CD163L1: variants seen among roughly 807,000 people sequenced by gnomAD.
The protein encoded by CD163L1 is CD163 molecule like 1.
In CD163L1, 124 loss-of-function variants were observed where a neutral mutation model predicts 165.4. The ratio of observed to expected loss-of-function variants is 0.75; its 90% CI spans 0.65 to 0.87. The LOEUF is 0.87. Ranked by LOEUF, CD163L1 falls within the 40% of genes least tolerant of loss-of-function variation. The pLI is 0.00. For missense variants in CD163L1, 1,525 were observed against 1,799.9 expected (o/e 0.85, Z 2.76); for synonymous variants, 585 against 662.2 (o/e 0.88, Z 1.79).
the CD163L1 span, among the ~76,000 whole-genome samples, chr12:7,339,081 C>A: frequency 1.3e-5 from 2 of 152,100 alleles, no homozygotes; most frequent in Admixed American, 1.3e-4. Context: ...GAAGAGAGGG[C>A]AAGATACCTA....
At chr12:7,389,433 C>G (rs1292238015) in intron 8 of CD163L1, among the ~76,000 whole-genome samples, 1 of 152,102 alleles carries the variant, frequency 6.6e-6, no homozygotes, top group African/African-American at 2.4e-5. Context: ...ATCGCATGCT[C>G]TCACTTATTT....
chr12:7,417,382 C>T (rs193227317), intron 4 of CD163L1, among the ~76,000 whole-genome samples: 169 of 152,024 alleles, frequency 1.1e-3, no homozygotes, highest in African/African-American at 3.7e-3. Context: ...ACTTCCTCTC[C>T]TTCTATTTGA....
chr12:7,363,182 G>A (rs1473014073), intron 18 of CD163L1, among the ~76,000 whole-genome samples: 2 of 152,006 alleles, frequency 1.3e-5, no homozygotes, highest in Non-Finnish European at 2.9e-5. Flanking sequence ...GGTGTCATGT[G>A]CCTGTAATCC....
chr12:7,422,767 G>A (rs1349826684), intron 4 of CD163L1, among the ~76,000 whole-genome samples: 1 of 148,046 alleles, frequency 6.8e-6, no homozygotes, highest in East Asian at 2.0e-4. Flanking sequence ...GTGTGTGTGT[G>A]TGTGTGTATA....
At chr12:7,357,135 G>A (rs1306949697) in intron 19 of CD163L1, among the ~76,000 whole-genome samples, 2 of 152,088 alleles carry the variant, frequency 1.3e-5, no homozygotes, top group Admixed American at 1.3e-4. Flanking sequence ...CTTAGTGACA[G>A]ACTATCTGCA....
chr12:7,375,391 C>T lies in CD163L1; in HGVS notation c.2891G>A (p.Gly964Glu). The change falls in exon 11 of 20, where the codon GGA (glycine) becomes GAA (glutamate). Residue 964 changes from glycine to glutamate, a missense_variant. Physicochemically the swap from Gly to Glu is moderately conservative, Grantham distance 98. Coordinates refer to ENST00000313599, the MANE Select transcript of CD163L1 (RefSeq NM_174941.6). ...ATTCCCTAAGCAATGAAACCTGTGT[C>T]CCCACACACGAACACTTCTTTCTCC... Reference protein sequence around the residue: ...YIGERSVRVWGHRFHCLGNES... With the variant: ...YIGERSVRVWEHRFHCLGNES... 1 of 1,614,146 alleles carries T rather than the reference C, an allele frequency of 6.2e-7. No homozygotes were observed. Among genetic ancestry groups the T allele is most frequent in the Non-Finnish European group, 8.5e-7 (1 of 1,180,020 alleles).
intron 8 of CD163L1, among the ~76,000 whole-genome samples, chr12:7,393,332 T>C (rs1282329250): frequency 6.6e-6 from 1 of 152,132 alleles, no homozygotes; most frequent in African/African-American, 2.4e-5. Flanking sequence ...CACATGATTA[T>C]CTCAATAGAT....
At chr12:7,338,982 T>G in the CD163L1 span, among the ~76,000 whole-genome samples, 1 of 152,172 alleles carries the variant, frequency 6.6e-6, no homozygotes, top group South Asian at 2.1e-4. Flanking sequence ...TATCTCCCTT[T>G]TTACTTGAGA....
chr12:7,353,265 G>A (rs1398981215), downstream of CD163L1, among the ~76,000 whole-genome samples: 5 of 151,862 alleles, frequency 3.3e-5, no homozygotes, highest in African/African-American at 1.2e-4. Flanking sequence ...TAAATGATCC[G>A]TCTTAAGAAC....
the CD163L1 span, chr12:7,327,100 G>A: frequency 4.9e-5 from 78 of 1,594,838 alleles, no homozygotes; most frequent in Middle Eastern, 1.7e-4. Context: ...AGAAAGGCAA[G>A]TGCTTTGCCC....
At chr12:7,370,613 T>G (rs1397764441) in intron 14 of CD163L1, among the ~76,000 whole-genome samples, 2 of 152,146 alleles carry the variant, frequency 1.3e-5, no homozygotes, top group African/African-American at 4.8e-5. Flanking sequence ...GTCTGATAAG[T>G]CATCCCCAAG....
intron 4 of CD163L1, among the ~76,000 whole-genome samples, chr12:7,348,412 T>C (rs1434246296): frequency 6.6e-6 from 1 of 152,204 alleles, no homozygotes; most frequent in East Asian, 1.9e-4. Context: ...TATGACCCTA[T>C]TAATAAGGAA....
chr12:7,393,190 C>T (rs757856807), intron 8 of CD163L1, among the ~76,000 whole-genome samples: 3 of 152,194 alleles, frequency 2.0e-5, no homozygotes, highest in Non-Finnish European at 4.4e-5. Context: ...ACTGGCAAAC[C>T]GAATCCAGCA....
In CD163L1 at chr12:7,360,651, T is replaced by A. The variant is rs766746434; in HGVS notation, c.4280-3165A>T. On this transcript the variant is annotated intron_variant, in intron 18 of 19. Transcript: ENST00000313599. ...GATATTTTTAATTTTTGAATTTCCA[T>A]GGGATTGCTTCTTTCCTGAAAAGAT... Among the ~76,000 whole-genome samples, 6 of 152,320 alleles carry A rather than the reference T, an allele frequency of 3.9e-5. No homozygotes were observed. The South Asian group carries it at 6.2e-4, about 16-fold the overall frequency.
chr12:7,434,591 T>C (rs988992088), intron 2 of CD163L1, among the ~76,000 whole-genome samples: 1 of 151,420 alleles, frequency 6.6e-6, no homozygotes, highest in African/African-American at 2.4e-5. Flanking sequence ...ATGATGATGA[T>C]GAGAGGGTGT....
intron 6 of CD163L1, among the ~76,000 whole-genome samples, chr12:7,401,997 A>C (rs1009006250): frequency 6.6e-6 from 1 of 152,078 alleles, no homozygotes; most frequent in African/African-American, 2.4e-5. Flanking sequence ...ATCACACTAA[A>C]TGTGAACAGA....
intron 8 of CD163L1, among the ~76,000 whole-genome samples, chr12:7,392,474 A>G (rs1253747589): frequency 6.6e-6 from 1 of 152,222 alleles, no homozygotes; most frequent in African/African-American, 2.4e-5. Context: ...AGAAAGCAGG[A>G]AAGATCTAAA....
Position 7,433,574 on chromosome 12 carries a change from G to A in CD163L1, c.245C>T (p.Ser82Leu). The A allele has an allele frequency of 6.2e-7, 1 of 1,614,156 alleles. No individual in the cohort carries two copies. The highest frequency in any genetic ancestry group is 1.3e-5 in the African/African-American group (1 of 75,038). ...TCCAAGCTGTTTGCACACGACAGTTGAGGCAGTAGTGTTCCACCCATCATC... is the reference window on the plus strand; with the variant it reads ...TCCAAGCTGTTTGCACACGACAGTTAAGGCAGTAGTGTTCCACCCATCATC... ...VCDDGWNTTA[S>L]TVVCKQLGCP... Residue 82 changes from serine (S) to leucine (L), a missense_variant, in exon 3 of 20, where the codon TCA (serine) becomes TTA (leucine). Coordinates refer to ENST00000313599, the MANE Select transcript of CD163L1 (RefSeq NM_174941.6).
At chr12:7,360,395 G>A (rs181129078) in intron 18 of CD163L1, among the ~76,000 whole-genome samples, 27 of 152,062 alleles carry the variant, frequency 1.8e-4, no homozygotes, top group African/African-American at 4.1e-4. Flanking sequence ...CACCCACCTC[G>A]GCTTCCCAAA....
Sources: gnomAD v4.1 joint callset for allele counts (sites outside exome capture counted in the v4.1 genomes callset) on GRCh38, gnomAD v4.1.1 for gene constraint, MANE v1.5 for transcripts, NCBI Gene and HGNC (gene_info 2026-07-23, HGNC 2026-07-21) for gene names.